The following OCA2 variants were observed in gnomAD, a reference collection of about 807,000 sequenced individuals.
OCA2 encodes P protein.
A neutral mutation model predicts 100.2 loss-of-function variants in OCA2; 77 were observed. The observed-to-expected ratio is 0.77, with a 90% CI of 0.64 to 0.93. The LOEUF is 0.93. OCA2 is among the 40% of genes least tolerant of loss of function. The pLI is 0.00. For synonymous variants in OCA2, 432 were observed against 439.2 expected, an observed-to-expected ratio of 0.98 and a Z score of 0.21; for missense variants, 1,062 against 1,089.1, an observed-to-expected ratio of 0.98 and a Z score of 0.35.
intron 23 of OCA2, among the ~76,000 whole-genome samples, chr15:27,815,367 G>C (rs950624795): frequency 2.6e-5 from 4 of 152,080 alleles, no homozygotes; most frequent in African/African-American, 9.7e-5. Flanking sequence ...TCAGAAATAA[G>C]CCCCTCAAAA....
intron 10 of OCA2, among the ~76,000 whole-genome samples, 153 bp from the exon 11 acceptor site, chr15:27,989,819 C>T (rs972550572): frequency 8.5e-5 from 13 of 152,148 alleles, no homozygotes; most frequent in Admixed American, 3.3e-4. Context: ...TGGATTATAT[C>T]GCTGCTGAAA....
At position 27,957,760 on chromosome 15, in the gene OCA2, T is replaced by C. The variant is rs2040277839; in HGVS notation, c.1637-25A>G. 1.2e-6 allele frequency: 2 copies of C among 1,612,924 alleles called. No homozygotes were observed. The highest frequency in any genetic ancestry group is 2.7e-5 in the African/African-American group (2 of 75,034). On this transcript the variant is annotated intron_variant, in intron 15 of 23. Transcript: ENST00000354638. The surrounding 1 kb of genome is among the most constrained non-coding windows in gnomAD (Gnocchi z 4.3). ...TCTGCAGAGAAAGGAAGGCGAAGCT[T>C]GGGTCTCCCATGACCTCAGATATCA...
downstream of OCA2, among the ~76,000 whole-genome samples, chr15:27,752,782 T>C (rs2030109376): frequency 6.3e-5 from 6 of 94,806 alleles, no homozygotes; most frequent in South Asian, 1.1e-3. Context: ...TCCCTGCATC[T>C]CCAGGTCCTG....
chr15:27,810,300 C>T (rs2034023473), intron 23 of OCA2, among the ~76,000 whole-genome samples: 2 of 152,126 alleles, frequency 1.3e-5, no homozygotes, highest in South Asian at 4.1e-4. Flanking sequence ...AATTGGCTAG[C>T]CAAATGAAGA....
intron 9 of OCA2, among the ~76,000 whole-genome samples, 183 bp from the exon 10 acceptor site, chr15:27,990,830 C>T (rs769540769): frequency 5.3e-5 from 8 of 152,324 alleles, no homozygotes; most frequent in Non-Finnish European, 8.8e-5. Context: ...CTACCACCAA[C>T]GTGCCATCTA....
At chr15:27,770,927 T>TTTCCTTCCTTTCC (rs2031761108) in intron 23 of OCA2, among the ~76,000 whole-genome samples, 1 of 125,052 alleles carries the variant, frequency 8.0e-6, no homozygotes, top group Non-Finnish European at 1.7e-5. Context: ...CCCTCCCTCT[T>TTTCCTTCCTTTCC]TTCCTTTCTT....
chr15:28,083,044 C>T (rs1403573953), intron 1 of OCA2, among the ~76,000 whole-genome samples: 1 of 152,186 alleles, frequency 6.6e-6, no homozygotes, highest in African/African-American at 2.4e-5. Context: ...TGCACTTTGG[C>T]CATGCAGGAT....
chr15:27,754,801 A>G (rs1272476763), downstream of OCA2: 1 of 159,594 alleles, frequency 6.3e-6, no homozygotes, highest in African/African-American at 2.4e-5. Context: ...CTTTTAATTA[A>G]TAACTTTAAA....
At chr15:28,011,059 C>A (rs2042225719) in intron 9 of OCA2, among the ~76,000 whole-genome samples, 1 of 152,160 alleles carries the variant, frequency 6.6e-6, no homozygotes, top group African/African-American at 2.4e-5. Context: ...AACCAAGGAG[C>A]AAATGCAATT....
chr15:27,927,992 A>G (rs1473681165), intron 18 of OCA2, among the ~76,000 whole-genome samples: 2 of 151,768 alleles, frequency 1.3e-5, no homozygotes, highest in Non-Finnish European at 2.9e-5. Flanking sequence ...GGGTTTCACC[A>G]TGTTGGCCAG....
At chr15:27,926,835 C>T (rs970863846) in intron 18 of OCA2, among the ~76,000 whole-genome samples, 16 of 152,094 alleles carry the variant, frequency 1.1e-4, no homozygotes, top group African/African-American at 3.6e-4. Context: ...GCTGGTCTCA[C>T]ACTCTTGCCC....
At chr15:28,075,898 A>G (rs2044413793) in intron 2 of OCA2, among the ~76,000 whole-genome samples, 2 of 152,248 alleles carry the variant, frequency 1.3e-5, no homozygotes, top group African/African-American at 4.8e-5. Flanking sequence ...GAAGCAGCCA[A>G]AGGAGTTTTT....
chr15:28,044,861 G>C (rs1566835050), intron 2 of OCA2, among the ~76,000 whole-genome samples: 3 of 151,990 alleles, frequency 2.0e-5, no homozygotes, highest in African/African-American at 7.3e-5. Flanking sequence ...TTTTAGCACT[G>C]TATGTCTTTT....
At position 27,823,472 on chromosome 15, in the gene OCA2, C is replaced by T. The variant is rs138984089; in HGVS notation, c.2432+21487G>A. Among the ~76,000 whole-genome samples the T allele has an allele frequency of 4.6e-3, 704 of 152,188 alleles. 7 individuals carry two copies. Among genetic ancestry groups the T allele is most frequent in the African/African-American group, 0.016 (657 of 41,512 alleles). ...TCCCAAATAATAAATAAGATTTTCC[C>T]GAAATAATAAATCTGCTTAGATAAA... On this transcript the variant is annotated intron_variant, in intron 23 of 23. Coordinates refer to ENST00000354638, the MANE Select transcript of OCA2 (RefSeq NM_000275.3).
chr15:27,864,322 A>C (rs2036243120), intron 21 of OCA2, among the ~76,000 whole-genome samples: 1 of 152,206 alleles, frequency 6.6e-6, no homozygotes, highest in Non-Finnish European at 1.5e-5. Flanking sequence ...CCAACTGCTC[A>C]TGTTATTAAA....
chr15:28,088,502 G>A (rs934422228), intron 1 of OCA2, among the ~76,000 whole-genome samples: 2 of 151,976 alleles, frequency 1.3e-5, no homozygotes, highest in Non-Finnish European at 1.5e-5. Flanking sequence ...ATAAATTATC[G>A]GGGGAAATTC....
At chr15:28,019,567 C>T (rs538053302) in intron 6 of OCA2, among the ~76,000 whole-genome samples, 2 of 152,252 alleles carry the variant, frequency 1.3e-5, no homozygotes, top group East Asian at 1.9e-4. Context: ...AAGGTGGCTT[C>T]GCTATTCACC....
intron 9 of OCA2, among the ~76,000 whole-genome samples, chr15:28,007,019 C>T (rs1031587522): frequency 6.6e-6 from 1 of 152,196 alleles, no homozygotes; most frequent in South Asian, 2.1e-4. Context: ...CCAAACACTA[C>T]ACGAACTCCT....
chr15:27,740,417 C>T, the OCA2 span, among the ~76,000 whole-genome samples: 1 of 152,070 alleles, frequency 6.6e-6, no homozygotes, highest in Admixed American at 6.5e-5. Flanking sequence ...GACCATCGCC[C>T]CTGGGAGGGT....
Sources: allele counts gnomAD v4.1 joint callset (sites outside exome capture counted in the v4.1 genomes callset), GRCh38; gene constraint gnomAD v4.1.1; non-coding constraint Gnocchi (gnomAD v3.1); transcripts MANE v1.5; gene names NCBI Gene and HGNC (gene_info 2026-07-23, HGNC 2026-07-21).